TICRR: variants seen among roughly 807,000 people sequenced by gnomAD.
The protein encoded by TICRR is TOPBP1 interacting checkpoint and replication regulator, also known as treslin.
TICRR carries 132 observed loss-of-function variants against 178.1 expected under a neutral mutation model. The ratio of observed to expected loss-of-function variants is 0.74; its 90% confidence interval spans 0.64 to 0.86. The LOEUF is 0.86. TICRR is among the 40% of genes least tolerant of loss of function. The probability of loss-of-function intolerance (pLI) is 0.00; values close to 1 mark genes in which losing one functional copy is unlikely to be tolerated. For missense variants in TICRR, 2,587 were observed against 2,334.3 expected, an observed-to-expected ratio of 1.11 and a Z score of -2.23; for synonymous variants, 991 against 900.7, an observed-to-expected ratio of 1.10 and a Z score of -1.79.
At chr15:89,608,061 T>C (rs1276517385) in intron 14 of TICRR, among the ~76,000 whole-genome samples, 2 of 152,190 alleles carry the variant, frequency 1.3e-5, no homozygotes, top group African/African-American at 4.8e-5. Context: ...AAAATAATCA[T>C]AACATGGGAT....
chr15:89,626,185 C>T (rs553299134), intron 21 of TICRR, 124 bp downstream of exon 21: 338 of 1,043,484 alleles, frequency 3.2e-4, no homozygotes, highest in Non-Finnish European at 4.1e-4. Context: ...GGTGACTTCG[C>T]GCCTACAGCG....
intron 16 of TICRR, 149 bp from the exon 17 acceptor site, chr15:89,618,003 A>G (rs1298797649): frequency 8.6e-6 from 7 of 810,864 alleles, no homozygotes; most frequent in African/African-American, 1.7e-5. Context: ...CCCTCTTGAC[A>G]ATAATCACGT....
rs1303220538 is a variant in TICRR at position 89,575,923 on chromosome 15, TG to T, written c.340del (p.Asp114ThrfsTer38). 6.3e-7 allele frequency: 1 copy of T among 1,593,702 alleles called. No homozygotes were observed. Among genetic ancestry groups the T allele is most frequent in the Non-Finnish European group, 8.5e-7 (1 of 1,172,250 alleles). On this transcript the variant is annotated frameshift_variant, in exon 1 of 22. Transcript: ENST00000268138. LOFTEE classifies it high-confidence loss of function. ...GATGGAGACGCTGCTAGACTACCAG[TG>T]GGACCGGCCCGAGATCACGTCGCCC... is the stretch of plus-strand genomic sequence containing the variant. The part of the protein sequence containing the change: ...ALMETLLDYQ[W>X]DRPEITSPTK...
rs773458725 is a variant in TICRR, at chr15:89,592,035, T to C, written c.1412-12T>C. 2 of 1,599,612 alleles carry C rather than the reference T, an allele frequency of 1.3e-6. No individual in the cohort carries two copies. The highest frequency in any genetic ancestry group is 1.7e-6 in the Non-Finnish European group (2 of 1,169,184). On this transcript the variant is annotated splice_polypyrimidine_tract_variant and intron_variant, in intron 4 of 21. Coordinates refer to ENST00000268138, the MANE Select transcript of TICRR (RefSeq NM_152259.4). Reference sequence around the variant, plus strand: ...TGTTTCCTCTCCTGCCGCTGCTCCTTTGCTCCAATAGCTTCTCCTGTTCCA... The same window carrying C: ...TGTTTCCTCTCCTGCCGCTGCTCCTCTGCTCCAATAGCTTCTCCTGTTCCA...
chr15:89,585,836 A>G lies in TICRR; in HGVS notation c.1305A>G (p.Gln435=). Residue 435 remains glutamine (Q), a synonymous_variant, in exon 4 of 22, where the codon CAA becomes CAG. Transcript: ENST00000268138. ...CTGAATTTCAACGACATGTTCTCCA[A>G]ACAGCTGTGGCTGACAGCCCCCGGG... ...KEAEFQRHVL[Q]TAVADSPRDT... is the part of the protein sequence containing the mutation. The G allele has an allele frequency of 6.2e-7, 1 of 1,614,122 alleles. No homozygotes were observed. Among genetic ancestry groups the G allele is most frequent in the Non-Finnish European group, 8.5e-7 (1 of 1,180,022 alleles).
In TICRR at chr15:89,627,137, G is replaced by A; in HGVS notation, c.*51G>A. 1 of 1,605,976 alleles carries A rather than the reference G, an allele frequency of 6.2e-7. No individual in the cohort carries two copies. Among genetic ancestry groups the A allele is most frequent in the Non-Finnish European group, 8.5e-7 (1 of 1,176,370 alleles). On this transcript the variant is annotated 3_prime_UTR_variant, in exon 22 of 22. Transcript: ENST00000268138. ...ATCAAGGAGTCAGCCAGGACCCTGT[G>A]GACATAAAGAAGTTGGATGCCTGGT...
Position 89,606,881 on chromosome 15 carries a change from A to G in TICRR, c.2722+56A>G, listed in dbSNP as rs75882384. ...TCACTAGCATGACAACTTTATTTTT[A>G]TTGTATGTATTTAAGCAGCTGCTTA... is the stretch of plus-strand genomic sequence containing the variant. On this transcript the variant is annotated intron_variant, in intron 14 of 21. Transcript: ENST00000268138. 9,078 of 1,480,308 alleles carry G rather than the reference A, an allele frequency of 6.1e-3. 349 individuals carry two copies. In the African/African-American group the frequency reaches 0.095, roughly 16 times the overall value. The allele number at this position is 1,480,308 out of a possible 1,614,324, so 91.7% of individuals were successfully genotyped here. A position where few individuals can be genotyped will look rare whatever the true frequency, so the allele number is the denominator to read the frequency against.
chr15:89,623,590 T>G, intron 19 of TICRR, 33 bp from the exon 20 acceptor site: 1 of 1,568,712 alleles, frequency 6.4e-7, no homozygotes, highest in South Asian at 1.2e-5. Context: ...AGTTATAATA[T>G]TCAAGGACTG....
intron 8 of TICRR, among the ~76,000 whole-genome samples, chr15:89,600,324 A>T (rs1302618153): frequency 6.6e-6 from 1 of 152,208 alleles, no homozygotes; most frequent in Non-Finnish European, 1.5e-5. Context: ...TAGGTTTCTT[A>T]AGCACTGCTT....
intron 7 of TICRR, among the ~76,000 whole-genome samples, chr15:89,598,675 A>T (rs11858422): frequency 6.6e-6 from 1 of 151,992 alleles, no homozygotes; most frequent in Non-Finnish European, 1.5e-5. Flanking sequence ...CCTACCTTTA[A>T]ATTTTTAACA....
intron 15 of TICRR, among the ~76,000 whole-genome samples, chr15:89,615,942 C>T (rs963371105): frequency 4.6e-5 from 7 of 150,990 alleles, no homozygotes; most frequent in South Asian, 4.2e-4. Context: ...TGGAGTGCAG[C>T]GGCATGATTT....
At chr15:89,606,714 T>C in intron 13 of TICRR, 54 bp from the exon 14 acceptor site, 1 of 1,408,086 alleles carries the variant, frequency 7.1e-7, no homozygotes, top group Non-Finnish European at 1.0e-6. Flanking sequence ...CTTTATTCTT[T>C]TATTTCAATG....
intron 4 of TICRR, 139 bp from the exon 5 acceptor site, chr15:89,591,908 G>A (rs1281774300): frequency 1.3e-5 from 8 of 626,768 alleles, no homozygotes; most frequent in South Asian, 3.8e-5. Flanking sequence ...TTGTGGTGCC[G>A]GAGAACAAAT....
intron 4 of TICRR, among the ~76,000 whole-genome samples, chr15:89,590,522 G>T (rs1962893207): frequency 6.6e-6 from 1 of 152,208 alleles, no homozygotes; most frequent in African/African-American, 2.4e-5. Context: ...ACTCTCTGCT[G>T]TAGCATGGCC....
chr15:89,600,708 A>G, intron 9 of TICRR, 23 bp downstream of exon 9: 1 of 1,168,286 alleles, frequency 8.6e-7, no homozygotes, highest in Non-Finnish European at 1.2e-6. Flanking sequence ...CATTTTTTAA[A>G]AAATCATCAC....
Position 89,582,894 on chromosome 15 carries a change from T to G in TICRR, c.863T>G (p.Leu288Trp), listed in dbSNP as rs1962753744. ...MLPTDATLNR[L>W]LYNSPEYEAS... ...CCAACTGATGCCACTTTAAACCGTT[T>G]GCTCTACAATTCTCCTGAGTATGAG... Residue 288 changes from leucine (L) to tryptophan (W), a missense_variant, in exon 2 of 22, where the codon TTG becomes TGG. By Grantham distance (61) the Leu-to-Trp change is moderately conservative. Coordinates refer to ENST00000268138, the MANE Select transcript of TICRR (RefSeq NM_152259.4). The G allele has an allele frequency of 2.5e-6, 4 of 1,614,232 alleles. No homozygotes were observed. The highest frequency in any genetic ancestry group is 3.4e-6 in the Non-Finnish European group (4 of 1,180,014).
chr15:89,621,102 C>G (rs1177663944), intron 18 of TICRR, among the ~76,000 whole-genome samples: 1 of 151,700 alleles, frequency 6.6e-6, no homozygotes, highest in Non-Finnish European at 1.5e-5. Context: ...TCACTGCAAC[C>G]TCCACCTCCT....
chr15:89,623,522 G>T, intron 19 of TICRR, 101 bp from the exon 20 acceptor site: 5 of 1,200,978 alleles, frequency 4.2e-6, no homozygotes, highest in Non-Finnish European at 5.8e-6. Flanking sequence ...CATTCCTTTG[G>T]CTGACTATAA....
intron 1 of TICRR, among the ~76,000 whole-genome samples, chr15:89,576,811 A>ATGTG (rs1178280901): frequency 6.7e-4 from 8 of 11,900 alleles, no homozygotes; most frequent in African/African-American, 9.8e-4. Flanking sequence ...GTGTGTGTGT[A>ATGTG]TGTGTGTGTG....
Sources: gnomAD v4.1 joint callset for allele counts (sites outside exome capture counted in the v4.1 genomes callset) on GRCh38, gnomAD v4.1.1 for gene constraint, MANE v1.5 for transcripts, NCBI Gene and HGNC (gene_info 2026-07-23, HGNC 2026-07-21) for gene names.